Variants in DLGAP2 observed in about 807,000 individuals in gnomAD.
DLGAP2 encodes disks large-associated protein 2.
A neutral mutation model predicts 100.3 loss-of-function variants in DLGAP2; 26 were observed. The observed-to-expected ratio is 0.26, with a 90% confidence interval of 0.19 to 0.36. The LOEUF (loss-of-function observed/expected upper bound fraction) is 0.36. DLGAP2 is among the 10% of genes least tolerant of loss of function. The pLI, the probability that DLGAP2 is intolerant of heterozygous loss-of-function variation, is 1.00. For missense variants in DLGAP2, 1,858 were observed against 1,453.2 expected, an observed-to-expected ratio of 1.28 and a Z score of -4.53; for synonymous variants, 886 against 630.1, an observed-to-expected ratio of 1.41 and a Z score of -6.08.
chr8:758,791 G>T (rs899054164), intron 1 of DLGAP2, among the ~76,000 whole-genome samples: 36 of 151,942 alleles, frequency 2.4e-4, no homozygotes, highest in African/African-American at 4.8e-5. Context: ...TGAACTCCTG[G>T]GCTCAAGTGA....
intron 7 of DLGAP2, among the ~76,000 whole-genome samples, chr8:1,628,613 G>A (rs1185491804): frequency 2.7e-5 from 4 of 149,702 alleles, no homozygotes; most frequent in Admixed American, 6.6e-5. Flanking sequence ...TGTGGAGCAG[G>A]AATTAAGAGC....
At chr8:1,697,359 C>CA in intron 14 of DLGAP2, 60 bp downstream of exon 14, 2 of 1,526,796 alleles carry the variant, frequency 1.3e-6, no homozygotes, top group Non-Finnish European at 8.8e-7. Context: ...GCACTAACGA[C>CA]CTGCTGCAGA....
At chr8:994,660 T>A (rs1800736264) in intron 2 of DLGAP2, among the ~76,000 whole-genome samples, 2 of 152,176 alleles carry the variant, frequency 1.3e-5, no homozygotes, top group African/African-American at 4.8e-5. Flanking sequence ...AAGATGCATT[T>A]ACACACAGGG....
In DLGAP2 at chr8:1,575,194, G is replaced by C. The variant is rs547732918; in HGVS notation, c.1442+9300G>C. 3.9e-5 allele frequency among the ~76,000 whole-genome samples: 6 copies of C among 152,306 alleles called. No individual in the cohort carries two copies. In the South Asian group the frequency reaches 1.2e-3, roughly 32 times the overall value. On this transcript the variant is annotated intron_variant, in intron 6 of 14. Coordinates refer to ENST00000637795, the MANE Select transcript of DLGAP2 (RefSeq NM_001346810.2). ...CACTCACCCTTTGATGACAGAGGTT[G>C]ACTCTGTGACTTGGCGATTGTGAGC...
chr8:1,110,690 C>G (rs936433626), intron 2 of DLGAP2, among the ~76,000 whole-genome samples: 1 of 150,208 alleles, frequency 6.7e-6, no homozygotes, highest in East Asian at 2.0e-4. Context: ...TAACTGCTTT[C>G]CATTTTCAGG....
chr8:1,549,211 A>T lies in DLGAP2; in HGVS notation c.758A>T (p.Asn253Ile). Residue 253 changes from asparagine to isoleucine, a missense_variant, in exon 5 of 15, where the codon AAC (asparagine) becomes ATC (isoleucine). Transcript: ENST00000637795. ...SHSLEGSSKS[N>I]ANGTKADGRA... Reference sequence around the variant, plus strand: ...TCGCTGGAGGGCTCCTCCAAAAGCAACGCCAACGGCACCAAGGCGGACGGC... The same window carrying T: ...TCGCTGGAGGGCTCCTCCAAAAGCATCGCCAACGGCACCAAGGCGGACGGC... 1.9e-6 allele frequency: 3 copies of T among 1,602,886 alleles called. No individual in the cohort carries two copies. The highest frequency in any genetic ancestry group is 1.7e-4 in the Middle Eastern group (1 of 6,056).
At chr8:774,087 T>A (rs1270913780) in intron 1 of DLGAP2, among the ~76,000 whole-genome samples, 1 of 152,270 alleles carries the variant, frequency 6.6e-6, no homozygotes, top group Non-Finnish European at 1.5e-5. Context: ...TTTGCATTTC[T>A]CTGATGGCCA....
In DLGAP2 at chr8:1,276,484, G is replaced by T. The variant is rs548531179; in HGVS notation, c.106+17601G>T. The stretch of plus-strand genomic sequence containing the variant: ...GGGGGACGGGAGGGCTGCTGAGGCG[G>T]CATCTTCACTTTGCTTGCATGTGTA... On this transcript the variant is annotated intron_variant, in intron 3 of 14. Coordinates refer to ENST00000637795, the MANE Select transcript of DLGAP2 (RefSeq NM_001346810.2). Among the ~76,000 whole-genome samples, 346 of 152,248 alleles carry T rather than the reference G, an allele frequency of 2.3e-3. 2 individuals are homozygous for T. Among genetic ancestry groups the T allele is most frequent in the Admixed American group, 7.7e-3 (118 of 15,286 alleles).
chr8:1,571,294 A>AG (rs1802663200), intron 6 of DLGAP2, among the ~76,000 whole-genome samples: 3 of 91,400 alleles, frequency 3.3e-5, no homozygotes, highest in Admixed American at 1.3e-4. Flanking sequence ...GAGAGGAGAG[A>AG]GGTGAACTGT....
At chr8:1,619,295 G>A (rs918841314) in intron 6 of DLGAP2, among the ~76,000 whole-genome samples, 1 of 152,190 alleles carries the variant, frequency 6.6e-6, no homozygotes, top group African/African-American at 2.4e-5. Context: ...TCACTAGAAT[G>A]GCCTAAGTTA....
rs183389082 is a variant in DLGAP2, at chr8:976,468, T to G, written c.73+68502T>G. ...CTACTAAAAATACAAAAAAATTAGC[T>G]GGGCGTGGTGGCAGGTGCCTGTAGT... On this transcript the variant is annotated intron_variant, in intron 2 of 14. Transcript: ENST00000637795. 8.5e-5 allele frequency among the ~76,000 whole-genome samples: 13 copies of G among 152,108 alleles called. No homozygotes were observed. The East Asian group carries it at 2.5e-3, about 29-fold the overall frequency.
At chr8:973,653 C>T (rs1245884361) in intron 2 of DLGAP2, among the ~76,000 whole-genome samples, 1 of 152,272 alleles carries the variant, frequency 6.6e-6, no homozygotes, top group Non-Finnish European at 1.5e-5. Flanking sequence ...CACGCCACTG[C>T]ACTCCAGCCT....
chr8:1,298,925 C>G (rs889873418), intron 3 of DLGAP2, among the ~76,000 whole-genome samples: 1 of 152,066 alleles, frequency 6.6e-6, no homozygotes, highest in Non-Finnish European at 1.5e-5. Flanking sequence ...GGGAGAACCT[C>G]TTCCCAGGGC....
chr8:806,130 G>A (rs185547619), intron 1 of DLGAP2, among the ~76,000 whole-genome samples: 1 of 152,342 alleles, frequency 6.6e-6, no homozygotes, highest in Non-Finnish European at 1.5e-5. Flanking sequence ...ATGCCAGGCA[G>A]CAATTTACCT....
At chr8:1,417,589 G>T (rs1361127768) in intron 3 of DLGAP2, among the ~76,000 whole-genome samples, 1 of 138,310 alleles carries the variant, frequency 7.2e-6, no homozygotes, top group East Asian at 2.2e-4. Flanking sequence ...AATGCGGACA[G>T]ATAAATAGGA....
chr8:805,791 A>G (rs1011674662), intron 1 of DLGAP2, among the ~76,000 whole-genome samples: 14 of 152,128 alleles, frequency 9.2e-5, no homozygotes, highest in African/African-American at 2.9e-4. Flanking sequence ...CCCAAAGCGC[A>G]GGGATTACAT....
intron 5 of DLGAP2, among the ~76,000 whole-genome samples, chr8:1,554,643 A>C (rs560404235): frequency 4.0e-4 from 61 of 152,140 alleles, no homozygotes; most frequent in African/African-American, 1.4e-3. Context: ...ACTCAGTAAC[A>C]ATTAGCGAGG....
intron 2 of DLGAP2, among the ~76,000 whole-genome samples, chr8:1,048,331 A>G (rs1317451731): frequency 6.6e-6 from 1 of 152,088 alleles, no homozygotes; most frequent in Non-Finnish European, 1.5e-5. Context: ...ATCAAGGTGA[A>G]ATGTGAATCT....
rs560456780 is a variant in DLGAP2, at chr8:1,162,877, G to T, written c.74-95974G>T. On this transcript the variant is annotated intron_variant, in intron 2 of 14. Coordinates refer to ENST00000637795, the MANE Select transcript of DLGAP2 (RefSeq NM_001346810.2). ...TGCTAGCCCCGGCACGGGGGCACCAGAAGAGGGTGCTGGGCTGGGGTCCAC... is the reference window on the plus strand; with the variant it reads ...TGCTAGCCCCGGCACGGGGGCACCATAAGAGGGTGCTGGGCTGGGGTCCAC... Among the ~76,000 whole-genome samples the T allele has an allele frequency of 2.6e-5, 4 of 152,354 alleles. No homozygotes were observed. In the East Asian group the frequency reaches 7.7e-4, roughly 29 times the overall value.
Sources: allele counts gnomAD v4.1 joint callset (sites outside exome capture counted in the v4.1 genomes callset), GRCh38; gene constraint gnomAD v4.1.1; transcripts MANE v1.5; gene names NCBI Gene and HGNC (gene_info 2026-07-23, HGNC 2026-07-21).